Variants in HSDL2 observed in about 807,000 individuals in gnomAD.
HSDL2 encodes the protein hydroxysteroid dehydrogenase like 2.
A neutral mutation model predicts 46.3 loss-of-function variants in HSDL2; 27 were observed. That is an observed-to-expected ratio of 0.58 (90% CI 0.43 to 0.80). HSDL2 has a LOEUF of 0.80. Ranked by LOEUF, HSDL2 falls within the 30% of genes least tolerant of loss-of-function variation. The pLI is 0.00. For synonymous variants in HSDL2, 153 were observed against 163.6 expected, an observed-to-expected ratio of 0.94 and a Z score of 0.50; for missense variants, 451 against 502.7, an observed-to-expected ratio of 0.90 and a Z score of 0.98.
intron 8 of HSDL2, among the ~76,000 whole-genome samples, chr9:112,443,928 T>C (rs58935727): frequency 0.13 from 19,542 of 152,168 alleles, 1,752 homozygotes; most frequent in East Asian, 0.2. Flanking sequence ...GGGAGTTAGA[T>C]AGGTAGAGTG....
At chr9:112,469,491 G>A (rs1194671765) in intron 10 of HSDL2, among the ~76,000 whole-genome samples, 2 of 151,526 alleles carry the variant, frequency 1.3e-5, no homozygotes, top group Non-Finnish European at 2.9e-5. Context: ...GGGCAACATG[G>A]CAAAACCCCA....
At chr9:112,390,968 G>T (rs1398557024) in intron 1 of HSDL2, among the ~76,000 whole-genome samples, 1 of 151,952 alleles carries the variant, frequency 6.6e-6, no homozygotes, top group Non-Finnish European at 1.5e-5. Flanking sequence ...TTGAGGTCAG[G>T]AGTTCAAGAC....
At chr9:112,436,283 G>A (rs946113075) in intron 6 of HSDL2, among the ~76,000 whole-genome samples, 2 of 147,868 alleles carry the variant, frequency 1.4e-5, no homozygotes, top group Non-Finnish European at 3.0e-5. Flanking sequence ...CCTAGTAAAT[G>A]ATTTTTAGTT....
At chr9:112,440,443 ATTG>A (rs2132673138) in intron 7 of HSDL2, among the ~76,000 whole-genome samples, 1 of 152,116 alleles carries the variant, frequency 6.6e-6, no homozygotes, top group East Asian at 1.9e-4. Context: ...AACAATTGAG[ATTG>A]TTAACATCTC....
At position 112,423,366 on chromosome 9, in the gene HSDL2, A is replaced by G. The variant is rs1333712476; in HGVS notation, c.598+4408A>G. Among the ~76,000 whole-genome samples, 5 of 152,058 alleles carry G rather than the reference A, an allele frequency of 3.3e-5. No homozygotes were observed. In the East Asian group the frequency reaches 9.6e-4, roughly 29 times the overall value. On this transcript the variant is annotated intron_variant, in intron 6 of 10. Coordinates refer to ENST00000398805, the MANE Select transcript of HSDL2 (RefSeq NM_032303.5). ...TTTTCTTTTCTTTTTTTTGAGACGGAGTTTCGTTCTTGTCGCCCAGGCTGG... is the reference window on the plus strand; with the variant it reads ...TTTTCTTTTCTTTTTTTTGAGACGGGGTTTCGTTCTTGTCGCCCAGGCTGG...
chr9:112,429,908 A>G (rs1264710344), intron 6 of HSDL2, among the ~76,000 whole-genome samples: 2 of 152,066 alleles, frequency 1.3e-5, no homozygotes, highest in Non-Finnish European at 2.9e-5. Flanking sequence ...CCTGAGCAAC[A>G]TGGCAGAACT....
At chr9:112,444,713 G>C (rs1381044131) in intron 8 of HSDL2, among the ~76,000 whole-genome samples, 2 of 152,008 alleles carry the variant, frequency 1.3e-5, no homozygotes, top group Non-Finnish European at 2.9e-5. Flanking sequence ...ACTCCAGCCT[G>C]GGTGAGAGAG....
intron 6 of HSDL2, among the ~76,000 whole-genome samples, 170 bp from the exon 7 acceptor site, chr9:112,438,260 AC>A (rs1832569474): frequency 6.6e-6 from 1 of 152,202 alleles, no homozygotes; most frequent in Non-Finnish European, 1.5e-5. Flanking sequence ...AAACAAAAAA[AC>A]AAAAAAAATT....
Position 112,468,521 on chromosome 9 carries a change from T to C in HSDL2, c.1145-1911T>C, listed in dbSNP as rs997803603. 6.5e-4 allele frequency among the ~76,000 whole-genome samples: 99 copies of C among 152,136 alleles called. 3 individuals are homozygous for C. The highest frequency in any genetic ancestry group is 2.9e-5 in the Non-Finnish European group (2 of 68,004). ...GTTTTCTGATGGTTTTTCTTCCTCC[T>C]CCTCAATCCAACCCATCCCCTCTCC... On this transcript the variant is annotated intron_variant, in intron 10 of 10. Transcript: ENST00000398805.
At chr9:112,408,061 AT>A (rs909616000) in intron 3 of HSDL2, among the ~76,000 whole-genome samples, 1 of 152,184 alleles carries the variant, frequency 6.6e-6, no homozygotes, top group African/African-American at 2.4e-5. Flanking sequence ...CTAAAACAAA[AT>A]TGATCCACTT....
At chr9:112,458,375 G>C (rs1231556244) in intron 9 of HSDL2, among the ~76,000 whole-genome samples, 1 of 149,274 alleles carries the variant, frequency 6.7e-6, no homozygotes, top group Non-Finnish European at 1.5e-5. Context: ...CCCCAAGCTG[G>C]AGTGCAATGG....
At chr9:112,416,775 A>T in intron 4 of HSDL2, 66 bp from the exon 5 acceptor site, 8 of 502,310 alleles carry the variant, frequency 1.6e-5, no homozygotes, top group South Asian at 5.7e-5. Flanking sequence ...CCCCTCTCTT[A>T]AAAAAAAAAG....
At chr9:112,434,349 C>T (rs1416031886) in intron 6 of HSDL2, among the ~76,000 whole-genome samples, 2 of 152,162 alleles carry the variant, frequency 1.3e-5, no homozygotes. Flanking sequence ...GTCACCTGGA[C>T]TATATTACAA....
chr9:112,437,239 C>T (rs1295632454), intron 6 of HSDL2, among the ~76,000 whole-genome samples: 1 of 151,980 alleles, frequency 6.6e-6, no homozygotes, highest in Non-Finnish European at 1.5e-5. Flanking sequence ...GGATTACAGG[C>T]GTGAGCCACC....
chr9:112,387,427 C>G (rs2132593029), intron 1 of HSDL2, among the ~76,000 whole-genome samples: 1 of 152,110 alleles, frequency 6.6e-6, no homozygotes, highest in Admixed American at 6.6e-5. Flanking sequence ...TCTATGTTGC[C>G]CAGGCTGGTC....
At chr9:112,390,214 A>C (rs1255921429) in intron 1 of HSDL2, among the ~76,000 whole-genome samples, 1 of 152,154 alleles carries the variant, frequency 6.6e-6, no homozygotes, top group African/African-American at 2.4e-5. Flanking sequence ...AGACTGATAA[A>C]GCTGTTTTAA....
chr9:112,427,158 G>A (rs1294126093), intron 6 of HSDL2, among the ~76,000 whole-genome samples: 1 of 152,160 alleles, frequency 6.6e-6, no homozygotes, highest in East Asian at 1.9e-4. Flanking sequence ...AGGTTTAAGT[G>A]ATTCTCCTGC....
intron 6 of HSDL2, among the ~76,000 whole-genome samples, chr9:112,436,485 A>G (rs1832526369): frequency 6.6e-6 from 1 of 152,006 alleles, no homozygotes; most frequent in African/African-American, 2.4e-5. Flanking sequence ...TATTTGTTAA[A>G]TGAATGAAAA....
intron 8 of HSDL2, among the ~76,000 whole-genome samples, chr9:112,446,248 T>TC (rs2132680826): frequency 6.6e-6 from 1 of 152,268 alleles, no homozygotes; most frequent in South Asian, 2.1e-4. Flanking sequence ...AGCTGTAGTT[T>TC]CAGATGTGGC....
Sources: gnomAD v4.1 joint callset for allele counts (sites outside exome capture counted in the v4.1 genomes callset) on GRCh38, gnomAD v4.1.1 for gene constraint, MANE v1.5 for transcripts, NCBI Gene and HGNC (gene_info 2026-07-23, HGNC 2026-07-21) for gene names.